Variants in ANKLE1 observed in about 807,000 individuals in gnomAD.
ANKLE1 encodes the protein ankyrin repeat and LEM domain containing 1.
Under a neutral mutation model 56.2 loss-of-function variants are expected in ANKLE1, and 59 were observed. That is an observed-to-expected ratio of 1.05 (90% CI 0.85 to 1.30). The LOEUF (loss-of-function observed/expected upper bound fraction) is 1.30, where lower values mean the gene tolerates loss of function less well. Ranked by LOEUF, ANKLE1 falls within the 50% of genes most tolerant of loss-of-function variation. The probability of loss-of-function intolerance (pLI) is 0.00; values close to 1 mark genes in which losing one functional copy is unlikely to be tolerated. For synonymous variants in ANKLE1, 341 were observed against 352.9 expected (o/e 0.97, Z 0.38); for missense variants, 771 against 816.1 (o/e 0.94, Z 0.67).
chr19:17,283,916 C>G lies in ANKLE1; in HGVS notation c.1152C>G (p.Thr384=), dbSNP rs2074004459. ...ATCCTCACCCCATCACACCCTTCAC[C>G]AGGCAGTTGTACCACCAGCAGCTGG... ...GENPHPITPF[T]RQLYHQQLEE... is the part of the protein sequence containing the mutation. Residue 384 remains threonine (T), a synonymous_variant, in exon 5 of 9, where the codon ACC becomes ACG. Transcript: ENST00000404085. The G allele has an allele frequency of 1.9e-6, 3 of 1,611,916 alleles. No homozygotes were observed. Among genetic ancestry groups the G allele is most frequent in the South Asian group, 2.2e-5 (2 of 91,010 alleles).
Position 17,281,933 on chromosome 19 carries a change from G to T in ANKLE1, c.13G>T (p.Ala5Ser), listed in dbSNP as rs770831114. The change falls in exon 1 of 9, where the codon GCC becomes TCC. Residue 5 changes from alanine to serine, a missense_variant. By Grantham distance (99) the Ala-to-Ser change is moderately conservative (BLOSUM62 1). Coordinates refer to ENST00000404085, the MANE Select transcript of ANKLE1 (RefSeq NM_152363.6). MCSE[A>S]RLARRLRDAL... ...ACCCAGCCAGGGCATGTGCTCGGAG[G>T]CCCGCCTGGCTCGCAGGTTGCGGGA... 1.8e-5 allele frequency: 28 copies of T among 1,534,492 alleles called. No homozygotes were observed. In the African/African-American group the frequency reaches 2.9e-4, roughly 16 times the overall value.
intron 5 of ANKLE1, 33 bp from the exon 6 acceptor site, chr19:17,284,056 A>G (rs374482694): frequency 1.2e-5 from 19 of 1,609,628 alleles, no homozygotes; most frequent in Middle Eastern, 1.6e-4. Flanking sequence ...CCATCTCAGA[A>G]TCATCCCTTC....
intron 3 of ANKLE1, 47 bp from the exon 4 acceptor site, chr19:17,282,817 G>T (rs1184197051): frequency 6.3e-7 from 1 of 1,582,172 alleles, no homozygotes; most frequent in African/African-American, 1.3e-5. Flanking sequence ...GGGAGGGAAG[G>T]AAGGTAAGAG....
chr19:17,285,658 G>A (rs754640255), intron 7 of ANKLE1, 23 bp from the exon 8 acceptor site: 4 of 1,613,950 alleles, frequency 2.5e-6, no homozygotes, highest in Middle Eastern at 1.6e-4. Flanking sequence ...TATTGGGGGT[G>A]CTGACTCCTG....
chr19:17,284,354 G>T, intron 6 of ANKLE1, 88 bp downstream of exon 6: 2 of 1,309,792 alleles, frequency 1.5e-6, no homozygotes. Flanking sequence ...GAAAGGGACT[G>T]GCCCTAGAAT....
chr19:17,284,684 C>CTT (rs67967763), intron 6 of ANKLE1, among the ~76,000 whole-genome samples: 56 of 91,928 alleles, frequency 6.1e-4, no homozygotes, highest in South Asian at 3.3e-3. Context: ...GCACCGGCCT[C>CTT]TTTTTTTTTT....
In ANKLE1 at chr19:17,283,822, G is replaced by C; in HGVS notation, c.1058G>C (p.Cys353Ser). The change falls in exon 5 of 9, where the codon TGC (cysteine) becomes TCC (serine). Residue 353 changes from cysteine to serine, a missense_variant. Physicochemically the swap from Cys to Ser is moderately radical, Grantham distance 112. Transcript: ENST00000404085. ...GGTGGCAGGGAACCTGTCGGCCCTTGCCGGCACCTGCCAGTCTCCACTGTG... is the reference window on the plus strand; with the variant it reads ...GGTGGCAGGGAACCTGTCGGCCCTTCCCGGCACCTGCCAGTCTCCACTGTG... Reference protein sequence around the residue: ...STGGREPVGPCRHLPVSTVSD... With the variant: ...STGGREPVGPSRHLPVSTVSD... 1.2e-6 allele frequency: 2 copies of C among 1,613,222 alleles called. No homozygotes were observed. Among genetic ancestry groups the C allele is most frequent in the Non-Finnish European group, 1.7e-6 (2 of 1,179,900 alleles).
rs1470470311 is a variant in ANKLE1, at chr19:17,285,476, T to C, written c.1422T>C (p.Ala474=). ...LPARAFSLTP[A]ERLQTFIRAI... is the part of the protein sequence containing the mutation. ...CCCGAGCCTTCTCACTGACCCCAGCTGAGCGCCTTCAGACTTTCATCCGTG... is the reference window on the plus strand; with the variant it reads ...CCCGAGCCTTCTCACTGACCCCAGCCGAGCGCCTTCAGACTTTCATCCGTG... Residue 474 remains alanine (A), a synonymous_variant, in exon 7 of 9, where the codon GCT becomes GCC. Coordinates refer to ENST00000404085, the MANE Select transcript of ANKLE1 (RefSeq NM_152363.6). The C allele has an allele frequency of 6.2e-7, 1 of 1,613,908 alleles. No homozygotes were observed. The highest frequency in any genetic ancestry group is 8.5e-7 in the Non-Finnish European group (1 of 1,179,890).
At chr19:17,283,171 C>A (rs2073993350) in intron 4 of ANKLE1, 54 bp from the exon 5 acceptor site, 1 of 1,568,924 alleles carries the variant, frequency 6.4e-7, no homozygotes. Context: ...ATCCTATTCT[C>A]ATCGCTGTCT....
chr19:17,285,327 C>T, intron 6 of ANKLE1, 104 bp from the exon 7 acceptor site: 1 of 1,361,130 alleles, frequency 7.3e-7, no homozygotes, highest in Non-Finnish European at 1.0e-6. Context: ...ATCCTGTAAT[C>T]AGGAGTCACT....
Position 17,285,607 on chromosome 19 carries a change from C to G in ANKLE1, c.1536+17C>G. On this transcript the variant is annotated intron_variant, in intron 7 of 8. Transcript: ENST00000404085. The stretch of plus-strand genomic sequence containing the variant: ...AGAAAACAGGTGTGAGGACAGGGAT[C>G]AGGGTTCAGCGAGGGCAGTCGGGCC... 1 of 1,613,900 alleles carries G rather than the reference C, an allele frequency of 6.2e-7. No individual in the cohort carries two copies. The highest frequency in any genetic ancestry group is 8.5e-7 in the Non-Finnish European group (1 of 1,179,862).
In ANKLE1 at chr19:17,286,685, TG is replaced by T; in HGVS notation, c.*134del. ...GTGTGTGTGTGTGTGTGTGTGTGTGTGTGTGTTTGTGTGTGTGTGTGTGTGT... is the reference window on the plus strand; with the variant it reads ...GTGTGTGTGTGTGTGTGTGTGTGTGTTGTGTTTGTGTGTGTGTGTGTGTGT... On this transcript the variant is annotated 3_prime_UTR_variant, in exon 9 of 9. Coordinates refer to ENST00000404085, the MANE Select transcript of ANKLE1 (RefSeq NM_152363.6). 16 of 710,584 alleles carry T rather than the reference TG, an allele frequency of 2.3e-5. No homozygotes were observed. The highest frequency in any genetic ancestry group is 1.4e-4 in the East Asian group (4 of 29,444). The allele number at this position is 710,584 out of a possible 1,614,324, so 44.0% of individuals were successfully genotyped here.
chr19:17,282,120 G>T lies in ANKLE1; in HGVS notation c.126G>T (p.Ala42=). 4 of 1,541,226 alleles carry T rather than the reference G, an allele frequency of 2.6e-6. No homozygotes were observed. The South Asian group carries it at 4.8e-5, about 18-fold the overall frequency. ...DPNLVLEDGA[A]AVHLAAGARH... is the part of the protein sequence containing the mutation. Reference sequence around the variant, plus strand: ...ATTTGGTGCTAGAGGACGGCGCAGCGGCTGTGCACTTGGCGGCCGGAGCCC... The same window carrying T: ...ATTTGGTGCTAGAGGACGGCGCAGCTGCTGTGCACTTGGCGGCCGGAGCCC... Residue 42 remains alanine, a synonymous_variant, in exon 2 of 9, where the codon GCG becomes GCT. Coordinates refer to ENST00000404085, the MANE Select transcript of ANKLE1 (RefSeq NM_152363.6).
chr19:17,284,562 T>G (rs2074011845), intron 6 of ANKLE1, among the ~76,000 whole-genome samples: 1 of 151,878 alleles, frequency 6.6e-6, no homozygotes, highest in Non-Finnish European at 1.5e-5. Flanking sequence ...TTTTGTATTT[T>G]TAGTAGAGAC....
chr19:17,282,780 G>T lies in ANKLE1; in HGVS notation c.321+19G>T. On this transcript the variant is annotated intron_variant, in intron 3 of 8. Transcript: ENST00000404085. ...CGACCAGGTTGGGAGGCACTGCGCG[G>T]GCAAAGAAAGGCTGGGTGAGCCCAG... 1 of 1,559,606 alleles carries T rather than the reference G, an allele frequency of 6.4e-7. No homozygotes were observed.
rs1258779414 is a variant in ANKLE1, at chr19:17,282,674, G to A, written c.234G>A (p.Thr78=). Residue 78 remains threonine (T), a synonymous_variant, in exon 3 of 9, where the codon ACG becomes ACA. Coordinates refer to ENST00000404085, the MANE Select transcript of ANKLE1 (RefSeq NM_152363.6). ...DPNARSVEAL[T]PLHVAAAWGC... ...GCCCCAGATCTGTCGAGGCACTGACGCCGCTGCATGTGGCCGCCGCGTGGG... is the reference window on the plus strand; with the variant it reads ...GCCCCAGATCTGTCGAGGCACTGACACCGCTGCATGTGGCCGCCGCGTGGG... 2.0e-6 allele frequency: 3 copies of A among 1,534,696 alleles called. No homozygotes were observed. Among genetic ancestry groups the A allele is most frequent in the Non-Finnish European group, 2.6e-6 (3 of 1,146,724 alleles).
intron 6 of ANKLE1, among the ~76,000 whole-genome samples, chr19:17,285,066 C>T (rs112796002): frequency 1.3e-5 from 2 of 151,758 alleles, no homozygotes; most frequent in Non-Finnish European, 2.9e-5. Context: ...TAGAGACCAG[C>T]GTGTTCAACG....
rs1460348124 is a variant in ANKLE1, at chr19:17,282,227, T to C, written c.215+18T>C. On this transcript the variant is annotated intron_variant, in intron 2 of 8. Transcript: ENST00000404085. ...AACGCTCGGTAAGATAGAGCCTGGGTCCGGGGCGGGGTCTCCCCAAGCCGA... is the reference window on the plus strand; with the variant it reads ...AACGCTCGGTAAGATAGAGCCTGGGCCCGGGGCGGGGTCTCCCCAAGCCGA... The C allele has an allele frequency of 4.8e-6, 7 of 1,469,292 alleles. No individual in the cohort carries two copies. Among genetic ancestry groups the C allele is most frequent in the Non-Finnish European group, 6.3e-6 (7 of 1,114,980 alleles). 91.0% of individuals were successfully genotyped at this position (1,469,292 alleles called of 1,614,324 possible). A position where few individuals can be genotyped will look rare whatever the true frequency, so the allele number is the denominator to read the frequency against.
intron 6 of ANKLE1, 59 bp from the exon 7 acceptor site, chr19:17,285,372 A>C: frequency 2.5e-6 from 4 of 1,600,540 alleles, no homozygotes; most frequent in Non-Finnish European, 3.4e-6. Flanking sequence ...GACTTTAAGG[A>C]CTGCCTCTGG....
Sources: gnomAD v4.1 joint callset for allele counts (sites outside exome capture counted in the v4.1 genomes callset) on GRCh38, gnomAD v4.1.1 for gene constraint, MANE v1.5 for transcripts, NCBI Gene and HGNC (gene_info 2026-07-23, HGNC 2026-07-21) for gene names.